Variants in ZNF385D observed in about 807,000 individuals in gnomAD.
ZNF385D encodes zinc finger protein 385D.
In ZNF385D, 15 loss-of-function variants were observed where a neutral mutation model predicts 35.8. That is an observed-to-expected ratio of 0.42 (90% CI 0.28 to 0.64). ZNF385D has a LOEUF of 0.64. Among genes scored for constraint, ZNF385D ranks in the 30% least tolerant of loss-of-function variants. The pLI, the probability that ZNF385D is intolerant of heterozygous loss-of-function variation, is 0.23. For missense variants in ZNF385D, 474 were observed against 494.6 expected, an observed-to-expected ratio of 0.96 and a Z score of 0.39; for synonymous variants, 212 against 186.8, an observed-to-expected ratio of 1.13 and a Z score of -1.10.
At chr3:22,063,927 T>C (rs1463756772) in intron 3 of ZNF385D, among the ~76,000 whole-genome samples, 1 of 152,200 alleles carries the variant, frequency 6.6e-6, no homozygotes, top group Non-Finnish European at 1.5e-5. Flanking sequence ...CTGCCCAGTC[T>C]TTCCTCCTTC....
intron 1 of ZNF385D, among the ~76,000 whole-genome samples, chr3:21,713,311 C>A (rs1376430421): frequency 6.6e-6 from 1 of 152,196 alleles, no homozygotes; most frequent in East Asian, 1.9e-4. Flanking sequence ...AAATTGAGAG[C>A]CCAAACTTGA....
At chr3:22,269,102 A>G (rs995428302) in intron 2 of ZNF385D, among the ~76,000 whole-genome samples, 1 of 151,988 alleles carries the variant, frequency 6.6e-6, no homozygotes, top group Non-Finnish European at 1.5e-5. Flanking sequence ...GAACAAACAA[A>G]CAAACAGCTT....
intron 3 of ZNF385D, among the ~76,000 whole-genome samples, chr3:21,941,324 A>G: frequency 6.7e-6 from 1 of 150,142 alleles, no homozygotes; most frequent in African/African-American, 2.4e-5. Flanking sequence ...AATATTATCT[A>G]TTTGGAAATA....
intron 3 of ZNF385D, among the ~76,000 whole-genome samples, chr3:21,908,118 ATATCTATCTATCTATCTATC>A (rs61001621): frequency 3.8e-4 from 52 of 135,742 alleles, no homozygotes; most frequent in South Asian, 1.0e-3. Flanking sequence ...CTTTCTCTCT[ATATCTATCTATCTATCTATC>A]TATCTATCTA....
chr3:21,916,288 A>T lies in ZNF385D; in HGVS notation c.326-251260T>A, dbSNP rs567812018. On this transcript the variant is annotated intron_variant, in intron 3 of 5. Coordinates refer to the ZNF385D transcript ENST00000494108. The stretch of plus-strand genomic sequence containing the variant: ...TTTGTCAATTTAAATAACAAATATC[A>T]TGTATACTTTTTTCTGGTATTTGAA... 2.0e-5 allele frequency among the ~76,000 whole-genome samples: 3 copies of T among 152,288 alleles called. No individual in the cohort carries two copies. The South Asian group carries it at 6.2e-4, about 32-fold the overall frequency.
intron 3 of ZNF385D, among the ~76,000 whole-genome samples, chr3:22,058,674 G>C (rs890936697): frequency 5.9e-5 from 9 of 152,066 alleles, no homozygotes; most frequent in African/African-American, 2.2e-4. Context: ...ATTACCATTT[G>C]TTTTGTTTAT....
At chr3:21,889,105 T>C (rs73820170) in intron 3 of ZNF385D, among the ~76,000 whole-genome samples, 11 of 152,318 alleles carry the variant, frequency 7.2e-5, no homozygotes, top group African/African-American at 2.6e-4. Flanking sequence ...GTTTAGGGGA[T>C]GCAGAGGGCA....
At chr3:22,040,889 T>G (rs1698625660) in intron 3 of ZNF385D, among the ~76,000 whole-genome samples, 1 of 152,084 alleles carries the variant, frequency 6.6e-6, no homozygotes. Flanking sequence ...GCTAGAGTCT[T>G]TTTTTGTGGG....
intron 3 of ZNF385D, among the ~76,000 whole-genome samples, chr3:22,033,453 T>C (rs997974277): frequency 2.1e-5 from 3 of 143,586 alleles, no homozygotes; most frequent in South Asian, 2.2e-4. Context: ...CACAGTGATA[T>C]GAGTTAAAGA....
chr3:22,081,663 T>A (rs1700755828), intron 3 of ZNF385D, among the ~76,000 whole-genome samples: 1 of 152,158 alleles, frequency 6.6e-6, no homozygotes. Flanking sequence ...ACCCTGTTTT[T>A]TACAAGTCAA....
chr3:22,070,444 T>A (rs1700175358), intron 3 of ZNF385D, among the ~76,000 whole-genome samples: 1 of 152,186 alleles, frequency 6.6e-6, no homozygotes, highest in African/African-American at 2.4e-5. Flanking sequence ...CATTGCTAAT[T>A]GTTTCTGTTG....
rs1394324146 is a variant in ZNF385D at position 21,856,915 on chromosome 3, G to GA, written c.326-191888dup. Among the ~76,000 whole-genome samples, 11 of 152,182 alleles carry GA rather than the reference G, an allele frequency of 7.2e-5. No homozygotes were observed. In the East Asian group the frequency reaches 1.9e-3, roughly 27 times the overall value. ...ATCTTTTTAAAAACGTCCAAGGCAT[G>GA]AAATCAAAACAAAATGCAGAAGAGG... is the stretch of plus-strand genomic sequence containing the variant. On this transcript the variant is annotated intron_variant, in intron 3 of 5. Transcript: ENST00000494108.
chr3:21,949,367 T>C (rs1006800240), intron 3 of ZNF385D, among the ~76,000 whole-genome samples: 2 of 152,128 alleles, frequency 1.3e-5, no homozygotes, highest in Admixed American at 6.6e-5. Flanking sequence ...TCCATCCTGA[T>C]GTGCTGTGCC....
intron 1 of ZNF385D, among the ~76,000 whole-genome samples, chr3:21,685,120 G>C (rs1354175386): frequency 6.6e-6 from 1 of 152,092 alleles, no homozygotes; most frequent in African/African-American, 2.4e-5. Context: ...GCAAAATCCT[G>C]GCCCATACAG....
chr3:21,584,183 T>C (rs957603596), intron 2 of ZNF385D, among the ~76,000 whole-genome samples: 11 of 143,958 alleles, frequency 7.6e-5, no homozygotes, highest in African/African-American at 2.7e-4. Context: ...CATCTCAGTT[T>C]GGCCAGGCTG....
In ZNF385D at chr3:21,997,567, AC is replaced by A. The variant is rs922184798; in HGVS notation, c.325+171249del. On this transcript the variant is annotated intron_variant, in intron 3 of 5. Coordinates refer to the ZNF385D transcript ENST00000494108. Reference sequence around the variant, plus strand: ...GTAACTATCTCTGCAGAAAAAAAAAACAGTATAATATGGAGAGGAAGTAGAG... The same window carrying A: ...GTAACTATCTCTGCAGAAAAAAAAAAAGTATAATATGGAGAGGAAGTAGAG... 2.0e-4 allele frequency among the ~76,000 whole-genome samples: 30 copies of A among 152,000 alleles called. 1 individual carries two copies. The South Asian group carries it at 4.4e-3, about 22-fold the overall frequency.
At chr3:22,328,813 C>T (rs1201145819) in intron 2 of ZNF385D, among the ~76,000 whole-genome samples, 38 of 148,228 alleles carry the variant, frequency 2.6e-4, no homozygotes, top group Middle Eastern at 3.9e-3. Context: ...CGGTGGCTCA[C>T]GCCTGTAATC....
intron 4 of ZNF385D, among the ~76,000 whole-genome samples, chr3:21,437,539 T>C (rs975837158): frequency 3.3e-5 from 5 of 151,866 alleles, no homozygotes; most frequent in African/African-American, 7.3e-5. Flanking sequence ...TCAATACATA[T>C]TTCTAAATGG....
intron 4 of ZNF385D, among the ~76,000 whole-genome samples, chr3:21,501,579 A>T (rs971626659): frequency 5.9e-5 from 9 of 152,180 alleles, no homozygotes; most frequent in Admixed American, 2.6e-4. Flanking sequence ...TCACTTTTCC[A>T]TATTGGAGAC....
Sources: allele counts gnomAD v4.1 joint callset (sites outside exome capture counted in the v4.1 genomes callset), GRCh38; gene constraint gnomAD v4.1.1; transcripts MANE v1.5; gene names NCBI Gene and HGNC (gene_info 2026-07-23, HGNC 2026-07-21).